APBB2: variants seen among roughly 807,000 people sequenced by gnomAD.
APBB2 encodes the protein Fe65-like 1.
Under a neutral mutation model 82.5 loss-of-function variants are expected in APBB2, and 38 were observed. The observed-to-expected ratio is 0.46, with a 90% CI of 0.36 to 0.60. The LOEUF is 0.60. APBB2 is among the 20% of genes least tolerant of loss of function. The pLI is 0.00. For missense variants in APBB2, 772 were observed against 972.3 expected, an observed-to-expected ratio of 0.79 and a Z score of 2.74; for synonymous variants, 341 against 368.2, an observed-to-expected ratio of 0.93 and a Z score of 0.85.
At chr4:40,886,205 G>A (rs995366508) in intron 12 of APBB2, among the ~76,000 whole-genome samples, 5 of 152,212 alleles carry the variant, frequency 3.3e-5, no homozygotes, top group African/African-American at 4.8e-5. Flanking sequence ...TTGGCTGGGC[G>A]CAGTGGCCCA....
At chr4:40,830,695 T>C in intron 12 of APBB2, 118 bp from the exon 13 acceptor site, 2 of 624,234 alleles carry the variant, frequency 3.2e-6, no homozygotes, top group South Asian at 1.9e-5. Context: ...ATGTATGCAA[T>C]GATTAAAAGA....
chr4:41,172,356 C>T (rs2154054711), intron 1 of APBB2, among the ~76,000 whole-genome samples: 1 of 152,128 alleles, frequency 6.6e-6, no homozygotes, highest in Non-Finnish European at 1.5e-5. Flanking sequence ...CTTTGGCCTA[C>T]GTAACTTCTA....
chr4:40,845,281 A>C (rs1307443030), intron 12 of APBB2, among the ~76,000 whole-genome samples: 3 of 152,180 alleles, frequency 2.0e-5, no homozygotes, highest in Non-Finnish European at 4.4e-5. Flanking sequence ...GCTGGGAAGA[A>C]AACATCAGTC....
chr4:41,052,469 C>A (rs916172067), intron 4 of APBB2, among the ~76,000 whole-genome samples: 3 of 152,274 alleles, frequency 2.0e-5, no homozygotes, highest in African/African-American at 7.2e-5. Flanking sequence ...GATGCCGTGT[C>A]ATATCAGTGT....
rs567697691 is a variant in APBB2, at chr4:41,145,024, G to A, written c.-416-1882C>T. 2.6e-4 allele frequency among the ~76,000 whole-genome samples: 40 copies of A among 152,342 alleles called. No homozygotes were observed. In the South Asian group the frequency reaches 8.3e-3, roughly 32 times the overall value. On this transcript the variant is annotated intron_variant, in intron 1 of 17. Coordinates refer to ENST00000508593, the MANE Select transcript of APBB2 (RefSeq NM_004307.2). ...GGGCCCAGCTATTTAGGAGGCTGAG[G>A]TGGGAAGGTCACTACAGCCTGGGAA...
chr4:41,131,657 G>A (rs555269425), intron 2 of APBB2, among the ~76,000 whole-genome samples: 6 of 152,202 alleles, frequency 3.9e-5, no homozygotes, highest in Middle Eastern at 3.4e-3. Flanking sequence ...TTACTGAGTC[G>A]GATGAGGTAT....
Position 40,974,044 on chromosome 4 carries a change from G to C in APBB2, c.836-28971C>G, listed in dbSNP as rs1443239403. On this transcript the variant is annotated intron_variant, in intron 6 of 17. Coordinates refer to ENST00000508593, the MANE Select transcript of APBB2 (RefSeq NM_004307.2). ...TTTTTTTGTATTTTTAGTAGAGACG[G>C]GGTTTCATTACGGTGGTCAGGCTGG... 4.6e-5 allele frequency among the ~76,000 whole-genome samples: 7 copies of C among 151,964 alleles called. 1 individual carries two copies. The East Asian group carries it at 1.4e-3, about 29-fold the overall frequency.
chr4:40,941,693 G>T (rs1263593929), intron 7 of APBB2, among the ~76,000 whole-genome samples: 1 of 152,214 alleles, frequency 6.6e-6, no homozygotes, highest in Non-Finnish European at 1.5e-5. Context: ...GCTATGGTGT[G>T]ATCATAGCTC....
At chr4:40,893,465 T>C (rs1299197954) in intron 10 of APBB2, 54 bp from the exon 11 acceptor site, 5 of 1,547,724 alleles carry the variant, frequency 3.2e-6, no homozygotes, top group Non-Finnish European at 4.4e-6. Context: ...GTCAATCATA[T>C]CAGTTTACAC....
chr4:40,886,879 T>C (rs1344999951), intron 12 of APBB2, among the ~76,000 whole-genome samples: 1 of 152,112 alleles, frequency 6.6e-6, no homozygotes, highest in African/African-American at 2.4e-5. Context: ...AGCCTCCATC[T>C]CCAGGGGCCG....
At chr4:40,944,751 A>G in intron 7 of APBB2, 114 bp downstream of exon 7, 1 of 980,646 alleles carries the variant, frequency 1.0e-6, no homozygotes, top group South Asian at 1.5e-5. Context: ...TGCAACATGC[A>G]CAATAATCAA....
chr4:40,814,126 G>A lies in APBB2; in HGVS notation c.*1966C>T, dbSNP rs1745019589. 1 of 151,952 alleles carries A rather than the reference G, an allele frequency of 6.6e-6. No individual in the cohort carries two copies. Among genetic ancestry groups the A allele is most frequent in the Non-Finnish European group, 1.5e-5 (1 of 68,034 alleles). The allele number at this position is 151,952 out of a possible 1,614,324, so 9.4% of individuals were successfully genotyped here. A position where few individuals can be genotyped will look rare whatever the true frequency, so the allele number is the denominator to read the frequency against. On this transcript the variant is annotated 3_prime_UTR_variant, in exon 18 of 18. Transcript: ENST00000508593. ...TGGCTAAGTACCATGAGTTAGGAATGTCTACCACAAGTAGCATCTGGAAAA... is the reference window on the plus strand; with the variant it reads ...TGGCTAAGTACCATGAGTTAGGAATATCTACCACAAGTAGCATCTGGAAAA...
At chr4:40,848,609 G>A (rs1758356776) in intron 12 of APBB2, among the ~76,000 whole-genome samples, 1 of 152,100 alleles carries the variant, frequency 6.6e-6, no homozygotes, top group African/African-American at 2.4e-5. Context: ...AGCTCGTGAT[G>A]GTAATTAAGT....
chr4:41,160,038 A>AAGAAGAAGAAGAAGACGAAG (rs1247891414), intron 1 of APBB2, among the ~76,000 whole-genome samples: 1 of 123,136 alleles, frequency 8.1e-6, no homozygotes, highest in African/African-American at 3.5e-5. Context: ...AGAAGAAGAA[A>AAGAAGAAGAAGAAGACGAAG]ACATCACAGG....
At chr4:41,060,847 T>A (rs1332240857) in intron 4 of APBB2, among the ~76,000 whole-genome samples, 1 of 152,092 alleles carries the variant, frequency 6.6e-6, no homozygotes, top group African/African-American at 2.4e-5. Context: ...AGGCACAGGG[T>A]GTACCCTGGC....
At chr4:40,914,304 C>T (rs1031369911) in intron 10 of APBB2, among the ~76,000 whole-genome samples, 7 of 150,714 alleles carry the variant, frequency 4.6e-5, no homozygotes, top group Middle Eastern at 3.4e-3. Flanking sequence ...ACCCGGGAGG[C>T]GGAGTTTGCA....
chr4:40,842,036 C>A (rs1481733419), intron 12 of APBB2, among the ~76,000 whole-genome samples: 1 of 152,190 alleles, frequency 6.6e-6, no homozygotes, highest in Non-Finnish European at 1.5e-5. Flanking sequence ...TGGCACATAA[C>A]CTATTTCCAT....
chr4:41,115,048 C>T (rs923486830), intron 2 of APBB2, among the ~76,000 whole-genome samples: 1 of 152,288 alleles, frequency 6.6e-6, no homozygotes, highest in Admixed American at 6.5e-5. Flanking sequence ...AAGCTGGAGG[C>T]ATCATGCTAC....
chr4:41,001,224 A>G (rs1805137209), intron 6 of APBB2, among the ~76,000 whole-genome samples: 1 of 152,082 alleles, frequency 6.6e-6, no homozygotes, highest in Non-Finnish European at 1.5e-5. Flanking sequence ...TTTCCCCTAC[A>G]ACATTTTGGG....
Sources: gnomAD v4.1 joint callset for allele counts (sites outside exome capture counted in the v4.1 genomes callset) on GRCh38, gnomAD v4.1.1 for gene constraint, MANE v1.5 for transcripts, NCBI Gene and HGNC (gene_info 2026-07-23, HGNC 2026-07-21) for gene names.